The following EXOC4 variants were observed in gnomAD, a reference collection of about 807,000 sequenced individuals.
EXOC4 encodes the protein SEC8-like 1.
In EXOC4, 71 loss-of-function variants were observed where a neutral mutation model predicts 107.2. The observed-to-expected ratio is 0.66, with a 90% confidence interval of 0.55 to 0.81. The LOEUF (loss-of-function observed/expected upper bound fraction) is 0.81, where lower values mean the gene tolerates loss of function less well. Among genes scored for constraint, EXOC4 ranks in the 30% least tolerant of loss-of-function variants. EXOC4 has a pLI of 0.00. For synonymous variants in EXOC4, 456 were observed against 441.2 expected (o/e 1.03, Z -0.42); for missense variants, 1,108 against 1,189.6 (o/e 0.93, Z 1.01).
intron 10 of EXOC4, among the ~76,000 whole-genome samples, chr7:133,666,890 T>A (rs1240823837): frequency 4.6e-5 from 7 of 152,206 alleles, no homozygotes; most frequent in Non-Finnish European, 8.8e-5. Context: ...TCTCTTTTTT[T>A]AAATTTTTGT....
chr7:133,809,765 A>G (rs929708762), intron 10 of EXOC4, among the ~76,000 whole-genome samples: 3 of 152,222 alleles, frequency 2.0e-5, no homozygotes, highest in African/African-American at 7.2e-5. Flanking sequence ...TGAAAAGTTT[A>G]TGTTGTATGA....
chr7:133,589,402 T>C (rs1801487000), intron 9 of EXOC4, among the ~76,000 whole-genome samples: 1 of 152,220 alleles, frequency 6.6e-6, no homozygotes, highest in East Asian at 1.9e-4. Flanking sequence ...TTGCTTTTAC[T>C]GAACCCCTTC....
chr7:133,758,211 C>G (rs1020844608), intron 10 of EXOC4, among the ~76,000 whole-genome samples: 5 of 152,038 alleles, frequency 3.3e-5, no homozygotes, highest in African/African-American at 1.2e-4. Flanking sequence ...AGTGGCGTGT[C>G]TCGGCTCACT....
At chr7:134,067,631 A>G (rs113880308), downstream of EXOC4, among the ~76,000 whole-genome samples, 1 of 64,190 alleles carries the variant, frequency 1.6e-5, no homozygotes, top group Admixed American at 1.6e-4. Context: ...ACTCTTATAT[A>G]TATATATACA....
intron 2 of EXOC4, among the ~76,000 whole-genome samples, chr7:133,275,816 CTT>C (rs752074940): frequency 1.2e-4 from 17 of 139,604 alleles, no homozygotes; most frequent in Non-Finnish European, 1.3e-4. Context: ...CAATTTTTTT[CTT>C]TTTTTTTTTT....
chr7:133,944,629 A>G (rs974994612), intron 14 of EXOC4, among the ~76,000 whole-genome samples: 1 of 152,146 alleles, frequency 6.6e-6, no homozygotes, highest in African/African-American at 2.4e-5. Flanking sequence ...TTATCTTTCT[A>G]GTGGCTATTT....
chr7:133,666,835 CCTT>C (rs1031560416), intron 10 of EXOC4, among the ~76,000 whole-genome samples: 1 of 152,088 alleles, frequency 6.6e-6, no homozygotes, highest in Non-Finnish European at 1.5e-5. Flanking sequence ...AAGATTTTTT[CCTT>C]CTTCAACTCT....
chr7:133,855,042 T>TATATATATAA (rs1554409707), intron 11 of EXOC4, among the ~76,000 whole-genome samples: 13 of 75,684 alleles, frequency 1.7e-4, no homozygotes, highest in African/African-American at 6.8e-4. Flanking sequence ...TCTAAATATA[T>TATATATATAA]ATATATCTAA....
At chr7:133,600,750 C>T (rs539764713) in intron 9 of EXOC4, among the ~76,000 whole-genome samples, 1 of 152,258 alleles carries the variant, frequency 6.6e-6, no homozygotes, top group East Asian at 1.9e-4. Flanking sequence ...TCCCAGCGGC[C>T]TTTTGTGGGA....
chr7:133,417,079 T>A (rs1190351680), intron 7 of EXOC4, among the ~76,000 whole-genome samples: 1 of 152,180 alleles, frequency 6.6e-6, no homozygotes. Flanking sequence ...CCTTGGAAGC[T>A]GGGAATGAAG....
intron 9 of EXOC4, among the ~76,000 whole-genome samples, chr7:133,526,751 C>A (rs1800086061): frequency 6.6e-6 from 1 of 152,178 alleles, no homozygotes; most frequent in Non-Finnish European, 1.5e-5. Context: ...ATGGGCAGAT[C>A]ACGAGGTCAA....
chr7:133,778,313 G>A (rs911747247), intron 10 of EXOC4, among the ~76,000 whole-genome samples: 4 of 152,166 alleles, frequency 2.6e-5, no homozygotes, highest in Admixed American at 2.0e-4. Flanking sequence ...AGACTTCTCG[G>A]GTCAGGCATG....
At chr7:133,806,434 A>C (rs1797079220) in intron 10 of EXOC4, among the ~76,000 whole-genome samples, 1 of 152,236 alleles carries the variant, frequency 6.6e-6, no homozygotes, top group Non-Finnish European at 1.5e-5. Flanking sequence ...TTGGAAATGC[A>C]GGTCAGGAGC....
At chr7:133,631,383 C>G (rs878900494) in intron 10 of EXOC4, among the ~76,000 whole-genome samples, 1 of 151,918 alleles carries the variant, frequency 6.6e-6, no homozygotes, top group Admixed American at 6.6e-5. Flanking sequence ...TCTCATTAAC[C>G]GAGACTTACT....
intron 10 of EXOC4, among the ~76,000 whole-genome samples, chr7:133,769,545 G>A (rs911740698): frequency 3.3e-5 from 5 of 151,604 alleles, no homozygotes; most frequent in African/African-American, 1.2e-4. Context: ...GAGCCATGTA[G>A]CACACAGAAG....
At chr7:133,956,556 G>A (rs186535419) in intron 14 of EXOC4, among the ~76,000 whole-genome samples, 1 of 152,310 alleles carries the variant, frequency 6.6e-6, no homozygotes, top group African/African-American at 2.4e-5. Flanking sequence ...AAGTAGCTGT[G>A]CTCAGCTGGC....
chr7:133,388,111 T>C (rs1364528986), intron 7 of EXOC4, among the ~76,000 whole-genome samples: 1 of 152,072 alleles, frequency 6.6e-6, no homozygotes. Context: ...GCGATTATAT[T>C]TTTGTTTTGT....
chr7:133,536,000 G>C (rs1800263106), intron 9 of EXOC4, among the ~76,000 whole-genome samples: 1 of 152,178 alleles, frequency 6.6e-6, no homozygotes, highest in Non-Finnish European at 1.5e-5. Flanking sequence ...GAGTTTAGTA[G>C]TTTTTGTTCA....
chr7:133,360,157 T>A (rs1242395370), intron 6 of EXOC4, among the ~76,000 whole-genome samples: 1 of 152,212 alleles, frequency 6.6e-6, no homozygotes, highest in Non-Finnish European at 1.5e-5. Context: ...TTTCTTCAAC[T>A]CCTGCTGCCT....
Sources: gnomAD v4.1 joint callset for allele counts (sites outside exome capture counted in the v4.1 genomes callset) on GRCh38, gnomAD v4.1.1 for gene constraint, MANE v1.5 for transcripts, NCBI Gene and HGNC (gene_info 2026-07-23, HGNC 2026-07-21) for gene names.